MBD5: variants seen among roughly 807,000 people sequenced by gnomAD.
MBD5 encodes methyl-CpG binding domain protein 5, also known as methyl-CpG-binding domain protein 5.
A neutral mutation model predicts 117.3 loss-of-function variants in MBD5; 13 were observed. The observed-to-expected ratio is 0.11, with a 90% CI of 0.07 to 0.18. The LOEUF (loss-of-function observed/expected upper bound fraction) is 0.18, where lower values mean the gene tolerates loss of function less well. Ranked by LOEUF, MBD5 falls within the 10% of genes least tolerant of loss-of-function variation. MBD5 has a pLI of 1.00. For synonymous variants in MBD5, 727 were observed against 766.4 expected (o/e 0.95, Z 0.85); for missense variants, 1,879 against 2,093.8 (o/e 0.90, Z 2.00).
Position 148,461,184 on chromosome 2 carries a change from C to T in MBD5, c.114-1398C>T, listed in dbSNP as rs1451847834. Among the ~76,000 whole-genome samples the T allele has an allele frequency of 3.9e-5, 6 of 152,140 alleles. No homozygotes were observed. The East Asian group carries it at 9.6e-4, about 24-fold the overall frequency. ...CTGACCTCAAGTGATCCGCCTGCCT[C>T]GGCCTCCCAAAGTGCTGGGTTTACA... On this transcript the variant is annotated intron_variant, in intron 5 of 13. Transcript: ENST00000642680.
chr2:148,278,644 G>A (rs959747744), intron 3 of MBD5, among the ~76,000 whole-genome samples: 1 of 152,066 alleles, frequency 6.6e-6, no homozygotes, highest in Non-Finnish European at 1.5e-5. Flanking sequence ...TTTAGTCAGG[G>A]TTCTCCGGAG....
At chr2:148,490,822 CTCAGGGTGG>C in intron 11 of MBD5, 1 of 562,168 alleles carries the variant, frequency 1.8e-6, no homozygotes, top group Non-Finnish European at 3.1e-6. Context: ...CACACTAGGG[CTCAGGGTGG>C]CTGTAAGCCA....
chr2:148,469,833 G>T lies in MBD5; in HGVS notation c.1890G>T (p.Met630Ile), dbSNP rs1475773218. The change falls in exon 8 of 14, where the codon ATG (methionine) becomes ATT (isoleucine). Residue 630 changes from methionine (M) to isoleucine (I), a missense_variant. By Grantham distance (10) the Met-to-Ile change is conservative. This residue lies in a region of MBD5 where 1,666 missense variants were observed against 1,792.2 expected (regional missense o/e 0.93). Coordinates refer to ENST00000642680, the MANE Select transcript of MBD5 (RefSeq NM_001378120.1). The stretch of plus-strand genomic sequence containing the variant: ...CCATGTTCCCTCCTACTGCCAACAT[G>T]CTTCTCCCAACAGGTGAAGGGCAAA... Reference protein sequence around the residue: ...LNTMFPPTANMLLPTGEGQSG... With the variant: ...LNTMFPPTANILLPTGEGQSG... 2 of 1,613,906 alleles carry T rather than the reference G, an allele frequency of 1.2e-6. No individual in the cohort carries two copies. The highest frequency in any genetic ancestry group is 1.7e-5 in the Admixed American group (1 of 59,996).
intron 2 of MBD5, among the ~76,000 whole-genome samples, chr2:148,185,246 T>C (rs1698626703): frequency 6.6e-6 from 1 of 152,236 alleles, no homozygotes; most frequent in South Asian, 2.1e-4. Flanking sequence ...ACTTACCAGT[T>C]CAAAATTGTC....
chr2:148,272,504 C>A (rs896453159), intron 3 of MBD5, among the ~76,000 whole-genome samples: 1 of 151,998 alleles, frequency 6.6e-6, no homozygotes, highest in Non-Finnish European at 1.5e-5. Flanking sequence ...TACTTCATTG[C>A]GGCTTTAATT....
intron 1 of MBD5, among the ~76,000 whole-genome samples, chr2:148,133,113 C>T (rs1051361012): frequency 6.6e-6 from 1 of 152,024 alleles, no homozygotes; most frequent in Non-Finnish European, 1.5e-5. Flanking sequence ...TAAAAATTTA[C>T]GGTTCATGTG....
At chr2:148,218,821 C>T (rs760238916) in intron 2 of MBD5, among the ~76,000 whole-genome samples, 7 of 152,044 alleles carry the variant, frequency 4.6e-5, no homozygotes, top group African/African-American at 7.2e-5. Flanking sequence ...AGATTTACCA[C>T]GAATGGAGCT....
At chr2:148,451,194 G>C (rs1471613044) in intron 4 of MBD5, among the ~76,000 whole-genome samples, 1 of 152,132 alleles carries the variant, frequency 6.6e-6, no homozygotes, top group African/African-American at 2.4e-5. Context: ...GGGGTAGTTA[G>C]AGTGATTAAG....
intron 4 of MBD5, among the ~76,000 whole-genome samples, chr2:148,397,487 G>A (rs907588143): frequency 1.3e-5 from 2 of 151,580 alleles, no homozygotes; most frequent in Non-Finnish European, 2.9e-5. Context: ...CCGCCACCAC[G>A]CCCGGCTAAT....
intron 1 of MBD5, among the ~76,000 whole-genome samples, chr2:148,168,002 A>G (rs1375511063): frequency 6.6e-6 from 1 of 152,198 alleles, no homozygotes; most frequent in Non-Finnish European, 1.5e-5. Context: ...TAAAAAAATC[A>G]TGATACCCTG....
intron 1 of MBD5, among the ~76,000 whole-genome samples, chr2:148,041,684 C>T (rs927816053): frequency 3.3e-5 from 5 of 152,088 alleles, no homozygotes; most frequent in Middle Eastern, 3.2e-3. Context: ...CACAAACACT[C>T]GTTATTCTAA....
intron 4 of MBD5, among the ~76,000 whole-genome samples, chr2:148,378,206 T>C (rs1435609755): frequency 6.6e-6 from 1 of 152,142 alleles, no homozygotes; most frequent in Non-Finnish European, 1.5e-5. Context: ...GTGAGTAAAA[T>C]GGTTTTATAT....
intron 4 of MBD5, among the ~76,000 whole-genome samples, chr2:148,456,415 G>C (rs970775522): frequency 2.0e-5 from 3 of 152,022 alleles, no homozygotes; most frequent in African/African-American, 7.2e-5. Context: ...CATCACCTTG[G>C]GGGTTAGGAT....
intron 3 of MBD5, among the ~76,000 whole-genome samples, chr2:148,333,966 T>C (rs1702724360): frequency 3.9e-5 from 6 of 152,240 alleles, no homozygotes; most frequent in Admixed American, 3.9e-4. Flanking sequence ...TGGCCAGTTG[T>C]GAATGGTGGC....
At chr2:148,221,803 G>T (rs551169823) in intron 2 of MBD5, among the ~76,000 whole-genome samples, 1 of 151,934 alleles carries the variant, frequency 6.6e-6, no homozygotes, top group Non-Finnish European at 1.5e-5. Context: ...GCCTGTGCTC[G>T]TAGGGTATTA....
intron 1 of MBD5, among the ~76,000 whole-genome samples, chr2:148,073,146 C>G (rs531345624): frequency 6.6e-5 from 10 of 152,142 alleles, no homozygotes; most frequent in African/African-American, 2.4e-4. Context: ...GAGTTTCTCG[C>G]TGTGATGTTT....
intron 1 of MBD5, among the ~76,000 whole-genome samples, chr2:148,099,711 G>A (rs1696156700): frequency 6.6e-6 from 1 of 152,088 alleles, no homozygotes; most frequent in Admixed American, 6.6e-5. Flanking sequence ...GGTATATTTT[G>A]GGTGTTCTTA....
intron 11 of MBD5, among the ~76,000 whole-genome samples, chr2:148,493,222 A>G (rs934843060): frequency 2.6e-5 from 4 of 152,208 alleles, no homozygotes; most frequent in Non-Finnish European, 1.5e-5. Context: ...GAAGAAAAAA[A>G]TTGCCAAACA....
chr2:148,301,461 G>A (rs1440462890), intron 3 of MBD5, among the ~76,000 whole-genome samples: 2 of 152,200 alleles, frequency 1.3e-5, no homozygotes, highest in African/African-American at 4.8e-5. Context: ...GAGCAGAGTG[G>A]GAGACTGAGG....
Sources: allele counts gnomAD v4.1 joint callset (sites outside exome capture counted in the v4.1 genomes callset), GRCh38; gene constraint gnomAD v4.1.1; regional missense constraint gnomAD v4.1.1; transcripts MANE v1.5; gene names NCBI Gene and HGNC (gene_info 2026-07-23, HGNC 2026-07-21).